The following RPP40 variants were observed in gnomAD, a reference collection of about 807,000 sequenced individuals.
RPP40 encodes the protein ribonuclease P/MRP subunit p40.
Under a neutral mutation model 42.5 loss-of-function variants are expected in RPP40, and 30 were observed. The observed-to-expected ratio is 0.71, with a 90% CI of 0.53 to 0.96. The LOEUF is 0.96. Ranked by LOEUF, RPP40 falls within the 40% of genes least tolerant of loss-of-function variation. The probability of loss-of-function intolerance (pLI) is 0.00; values close to 1 mark genes in which losing one functional copy is unlikely to be tolerated. For missense variants in RPP40, 426 were observed against 433.5 expected, an observed-to-expected ratio of 0.98 and a Z score of 0.15; for synonymous variants, 173 against 164.0, an observed-to-expected ratio of 1.05 and a Z score of -0.42.
At chr6:5,000,411 C>T (rs559481217) in intron 3 of RPP40, 152 bp downstream of exon 3, 6 of 564,040 alleles carry the variant, frequency 1.1e-5, no homozygotes, top group South Asian at 5.9e-5. Context: ...TGGTCTCGAA[C>T]TCCTGACCTC....
At chr6:4,998,000 G>A (rs1469511862) in intron 5 of RPP40, among the ~76,000 whole-genome samples, 1 of 152,200 alleles carries the variant, frequency 6.6e-6, no homozygotes, top group African/African-American at 2.4e-5. Flanking sequence ...ATATATGGAA[G>A]GAGAGGCACC....
chr6:4,988,806 A>G, the RPP40 span, among the ~76,000 whole-genome samples: 165 of 152,360 alleles, frequency 1.1e-3, no homozygotes, highest in African/African-American at 3.8e-3. Context: ...TTGTGTGAAC[A>G]TAAGTTCATT....
chr6:5,003,785 GCGGCCC>G, intron 1 of RPP40, 89 bp downstream of exon 1: 2 of 1,413,232 alleles, frequency 1.4e-6, no homozygotes, highest in Middle Eastern at 3.7e-4. Context: ...CGTACCGCCG[GCGGCCC>G]CGCCCCGCGA....
chr6:4,989,758 A>G (rs960343462), downstream of RPP40, among the ~76,000 whole-genome samples: 1 of 152,224 alleles, frequency 6.6e-6, no homozygotes, highest in Non-Finnish European at 1.5e-5. Flanking sequence ...CATTGCTACC[A>G]TATACAACTG....
chr6:4,994,385 T>A (rs926163892), downstream of RPP40, among the ~76,000 whole-genome samples: 3 of 118,770 alleles, frequency 2.5e-5, no homozygotes, highest in Admixed American at 8.9e-5. Flanking sequence ...ACCCTAAAAC[T>A]TAAAGTATAA....
Position 4,995,992 on chromosome 6 carries a change from G to C in RPP40, c.852C>G (p.Phe284Leu). 6.2e-7 allele frequency: 1 copy of C among 1,614,116 alleles called. No individual in the cohort carries two copies. The change falls in exon 7 of 8, where the codon TTC becomes TTG. Residue 284 changes from phenylalanine (F) to leucine (L), a missense_variant. By Grantham distance (22) the Phe-to-Leu change is conservative. Coordinates refer to ENST00000380051, the MANE Select transcript of RPP40 (RefSeq NM_006638.4). ...GGAGACAGATCTTCTCTGGAAGTAT[G>C]AAGCCAGTGATTGTACACAAATAAG... ...AKAYLCTITG[F>L]ILPEKICLLL...
chr6:4,990,360 A>G (rs1482798136), downstream of RPP40, among the ~76,000 whole-genome samples: 1 of 152,152 alleles, frequency 6.6e-6, no homozygotes, highest in Non-Finnish European at 1.5e-5. Flanking sequence ...TTCATGAGAA[A>G]TGTTGATCTG....
At chr6:5,003,749 A>C (rs538433699) in intron 1 of RPP40, 131 bp downstream of exon 1, 2 of 1,210,808 alleles carry the variant, frequency 1.7e-6, no homozygotes, top group African/African-American at 1.5e-5. Flanking sequence ...ACTCCCAGCA[A>C]GCCGGGCGAG....
chr6:4,998,158 T>G (rs1254720700), intron 5 of RPP40, among the ~76,000 whole-genome samples: 1 of 152,214 alleles, frequency 6.6e-6, no homozygotes, highest in Non-Finnish European at 1.5e-5. Flanking sequence ...TAATTCCTGA[T>G]GACTTGATCC....
intron 2 of RPP40, among the ~76,000 whole-genome samples, chr6:5,001,603 C>T (rs1028679151): frequency 2.6e-5 from 4 of 152,162 alleles, no homozygotes; most frequent in Non-Finnish European, 5.9e-5. Flanking sequence ...CCAGTCCAAC[C>T]CAGCAGATAT....
chr6:4,993,993 T>G (rs996559781), downstream of RPP40, among the ~76,000 whole-genome samples: 1 of 152,102 alleles, frequency 6.6e-6, no homozygotes, highest in Admixed American at 6.5e-5. Context: ...AATTTGGCAT[T>G]TGGCAGATGC....
chr6:5,000,872 G>C lies in RPP40; in HGVS notation c.269-241C>G. ...CATGCAGAAGACCAAGCATGCAGAA[G>C]ACAAAGCTTGCAGAAGACCAAGCAT... is the stretch of plus-strand genomic sequence containing the variant. On this transcript the variant is annotated intron_variant, in intron 2 of 7. Coordinates refer to ENST00000380051, the MANE Select transcript of RPP40 (RefSeq NM_006638.4). Among the ~76,000 whole-genome samples the C allele has an allele frequency of 1.5e-5, 2 of 132,724 alleles. 1 individual carries two copies. The highest frequency in any genetic ancestry group is 3.2e-5 in the Non-Finnish European group (2 of 62,672). The allele number at this position is 132,724 out of a possible 152,430, so 87.1% of individuals were successfully genotyped here. A position where few individuals can be genotyped will look rare whatever the true frequency, so the allele number is the denominator to read the frequency against.
At chr6:5,000,309 C>G (rs1229002341) in intron 3 of RPP40, among the ~76,000 whole-genome samples, 1 of 152,150 alleles carries the variant, frequency 6.6e-6, no homozygotes, top group Non-Finnish European at 1.5e-5. Flanking sequence ...CTGCCTCAGC[C>G]TCCCAAGGAG....
chr6:5,000,518 A>G lies in RPP40; in HGVS notation c.337+45T>C, dbSNP rs879102073. On this transcript the variant is annotated intron_variant, in intron 3 of 7. Coordinates refer to ENST00000380051, the MANE Select transcript of RPP40 (RefSeq NM_006638.4). ...TTTTTTTTTTTTTTTTACAGTATGC[A>G]TTTTTTTTTAACAATTAAAGAAAGA... The G allele has an allele frequency of 8.4e-6, 8 of 948,898 alleles. No homozygotes were observed. The Admixed American group carries it at 1.4e-4, about 16-fold the overall frequency. 58.8% of individuals were successfully genotyped at this position (948,898 alleles called of 1,614,324 possible). A position where few individuals can be genotyped will look rare whatever the true frequency, so the allele number is the denominator to read the frequency against.
Position 4,998,697 on chromosome 6 carries a change from C to T in RPP40, c.559+19G>A, listed in dbSNP as rs1268012747. On this transcript the variant is annotated intron_variant, in intron 5 of 7. Transcript: ENST00000380051. ...TACTTTCAAAATCACTGTATCATTA[C>T]ATAATTTATTCCTCATACCTGTTTT... The T allele has an allele frequency of 6.7e-7, 1 of 1,492,610 alleles. No homozygotes were observed. The highest frequency in any genetic ancestry group is 2.2e-5 in the Admixed American group (1 of 45,994). The allele number at this position is 1,492,610 out of a possible 1,614,324, so 92.5% of individuals were successfully genotyped here.
chr6:4,996,474 G>A (rs1759388292), intron 5 of RPP40, 54 bp from the exon 6 acceptor site: 1 of 1,557,928 alleles, frequency 6.4e-7, no homozygotes, highest in Admixed American at 1.7e-5. Context: ...TCGTAAGCAA[G>A]TTTAGTGAAT....
At chr6:4,998,576 T>G in intron 5 of RPP40, 140 bp downstream of exon 5, 1 of 557,726 alleles carries the variant, frequency 1.8e-6, no homozygotes, top group East Asian at 3.6e-5. Flanking sequence ...AAGGGCTAGT[T>G]TCCTTAATAA....
At chr6:5,001,990 G>T in intron 2 of RPP40, 111 bp downstream of exon 2, 1 of 928,478 alleles carries the variant, frequency 1.1e-6, no homozygotes, top group Non-Finnish European at 1.6e-6. Flanking sequence ...TGACCACACA[G>T]ACTATACCAC....
chr6:4,991,349 A>G (rs1394767154), downstream of RPP40, among the ~76,000 whole-genome samples: 1 of 152,026 alleles, frequency 6.6e-6, no homozygotes, highest in African/African-American at 2.4e-5. Flanking sequence ...CTTGCGAAAA[A>G]CTCTTAACCC....
Sources: gnomAD v4.1 joint callset for allele counts (sites outside exome capture counted in the v4.1 genomes callset) on GRCh38, gnomAD v4.1.1 for gene constraint, MANE v1.5 for transcripts, NCBI Gene and HGNC (gene_info 2026-07-23, HGNC 2026-07-21) for gene names.